Variants in JPH2 observed in about 807,000 individuals in gnomAD.
The protein encoded by JPH2 is junctophilin 2.
A neutral mutation model predicts 55.9 loss-of-function variants in JPH2; 38 were observed. The ratio of observed to expected loss-of-function variants is 0.68; its 90% CI spans 0.52 to 0.89. JPH2 has a LOEUF of 0.89. Ranked by LOEUF, JPH2 falls within the 40% of genes least tolerant of loss-of-function variation. The pLI is 0.00. For missense variants in JPH2, 964 were observed against 1,037.6 expected (o/e 0.93, Z 0.97); for synonymous variants, 480 against 472.4 (o/e 1.02, Z -0.21).
chr20:44,129,552 CA>C (rs1208567536), intron 2 of JPH2, among the ~76,000 whole-genome samples: 167 of 45,256 alleles, frequency 3.7e-3, no homozygotes, highest in East Asian at 0.024. Flanking sequence ...CAGGCTGTCT[CA>C]AAAAAAAAAA....
Position 44,160,540 on chromosome 20 carries a change from G to C in JPH2, c.380-133C>G, listed in dbSNP as rs1448385122. The C allele has an allele frequency of 1.1e-6, 1 of 873,284 alleles. No individual in the cohort carries two copies. Among genetic ancestry groups the C allele is most frequent in the Non-Finnish European group, 1.8e-6 (1 of 543,880 alleles). 54.1% of individuals were successfully genotyped at this position (873,284 alleles called of 1,614,324 possible). A position where few individuals can be genotyped will look rare whatever the true frequency, so the allele number is the denominator to read the frequency against. On this transcript the variant is annotated intron_variant, in intron 1 of 5. Coordinates refer to ENST00000372980, the MANE Select transcript of JPH2 (RefSeq NM_020433.5). This position sits in a 1 kb window ranked among gnomAD's most constrained non-coding sequence, Gnocchi z 4.9. ...GAGGCGCAAGGCCGTCTGAGGGTCA[G>C]GGTGCACAGTGCTATGAGTGTTTGA... is the stretch of plus-strand genomic sequence containing the variant.
At chr20:44,126,537 A>G (rs2072278513) in intron 2 of JPH2, among the ~76,000 whole-genome samples, 1 of 152,054 alleles carries the variant, frequency 6.6e-6, no homozygotes, top group Non-Finnish European at 1.5e-5. Flanking sequence ...TCTACCCCAG[A>G]ACAACCATGG....
At chr20:44,175,224 T>C (rs2072724909) in intron 1 of JPH2, among the ~76,000 whole-genome samples, 1 of 152,214 alleles carries the variant, frequency 6.6e-6, no homozygotes, top group Non-Finnish European at 1.5e-5. Context: ...TGACCCCATC[T>C]CTGAGAACAC....
chr20:44,159,698 G>A lies in JPH2; in HGVS notation c.1089C>T (p.Arg363=). 1.9e-6 allele frequency: 3 copies of A among 1,613,136 alleles called. No homozygotes were observed. The highest frequency in any genetic ancestry group is 4.5e-5 in the East Asian group (2 of 44,866). The change falls in exon 2 of 6, where the codon CGC becomes CGT. Residue 363 remains arginine (R), a synonymous_variant. Transcript: ENST00000372980. The surrounding 1 kb of genome is among the most constrained non-coding windows in gnomAD (Gnocchi z 5.7). ...CCTCCACACTGTGCTCCACTTTCTG[G>A]CGGACCTTGTTGCTCTTGAGCTGCA... ...RMLQLKSNKV[R]QKVEHSVEGA... is the part of the protein sequence containing the mutation.
At chr20:44,179,711 TC>T (rs2072764842) in intron 1 of JPH2, among the ~76,000 whole-genome samples, 1 of 152,240 alleles carries the variant, frequency 6.6e-6, no homozygotes, top group Non-Finnish European at 1.5e-5. Context: ...ATGAAGCATG[TC>T]CTAGTCTGTA....
intron 1 of JPH2, among the ~76,000 whole-genome samples, chr20:44,162,220 T>C (rs2072615957): frequency 6.6e-6 from 1 of 152,232 alleles, no homozygotes; most frequent in Non-Finnish European, 1.5e-5. Context: ...AGGAGCAAGA[T>C]GGCTGAGTAG....
At chr20:44,147,440 C>T (rs1406351997) in intron 2 of JPH2, among the ~76,000 whole-genome samples, 1 of 152,214 alleles carries the variant, frequency 6.6e-6, no homozygotes, top group African/African-American at 2.4e-5. Context: ...GATAAATCTA[C>T]ATGCATAACA....
At position 44,108,717 on chromosome 20, in the gene JPH2, T is replaced by C. The variant is rs2072122984; in HGVS notation, c.*4801A>G. Among the ~76,000 whole-genome samples the C allele has an allele frequency of 6.6e-6, 1 of 151,966 alleles. No homozygotes were observed. On this transcript the variant is annotated 3_prime_UTR_variant, in exon 6 of 6. Coordinates refer to ENST00000372980, the MANE Select transcript of JPH2 (RefSeq NM_020433.5). ...GACAGCCTGGAGTGAATGGTGAATG[T>C]TCTGACACATGAGGTGCCCTGGCAT...
At chr20:44,168,019 G>T (rs1463194825) in intron 1 of JPH2, among the ~76,000 whole-genome samples, 1 of 152,180 alleles carries the variant, frequency 6.6e-6, no homozygotes, top group Non-Finnish European at 1.5e-5. Context: ...GTCTTGAGTG[G>T]CAGGGAGTGG....
At chr20:44,134,785 CATAA>C (rs1297445913) in intron 2 of JPH2, among the ~76,000 whole-genome samples, 7 of 90,372 alleles carry the variant, frequency 7.7e-5, no homozygotes, top group South Asian at 3.7e-4. Context: ...TATAAATATA[CATAA>C]ATATACATTT....
intron 2 of JPH2, among the ~76,000 whole-genome samples, chr20:44,154,461 C>T (rs565923468): frequency 6.6e-6 from 1 of 152,340 alleles, no homozygotes; most frequent in Admixed American, 6.5e-5. Context: ...GCCCAGTAGC[C>T]ATGTATGGCA....
intron 2 of JPH2, among the ~76,000 whole-genome samples, chr20:44,126,378 A>G (rs150934550): frequency 6.6e-6 from 1 of 152,280 alleles, no homozygotes; most frequent in South Asian, 2.1e-4. Flanking sequence ...TCCCTGGCTC[A>G]GGCCACTGCC....
chr20:44,138,154 C>G (rs746931053), intron 2 of JPH2, among the ~76,000 whole-genome samples: 5 of 151,320 alleles, frequency 3.3e-5, no homozygotes, highest in Non-Finnish European at 5.9e-5. Context: ...ATTACAGGTG[C>G]CCGCCACCAC....
At position 44,111,597 on chromosome 20, in the gene JPH2, C is replaced by G. The variant is rs2072144290; in HGVS notation, c.*1921G>C. 6.6e-6 allele frequency: 1 copy of G among 152,298 alleles called. No individual in the cohort carries two copies. The highest frequency in any genetic ancestry group is 6.5e-5 in the Admixed American group (1 of 15,294). 9.4% of individuals were successfully genotyped at this position (152,298 alleles called of 1,614,324 possible). A position where few individuals can be genotyped will look rare whatever the true frequency, so the allele number is the denominator to read the frequency against. On this transcript the variant is annotated 3_prime_UTR_variant, in exon 6 of 6. Transcript: ENST00000372980. ...CTCAAGGATCGTGAGAACAAGGACA[C>G]AGATGGGAAGGACCCACGTCCCCCA...
rs2072145426 is a variant in JPH2 at position 44,111,693 on chromosome 20, G to C, written c.*1825C>G. On this transcript the variant is annotated 3_prime_UTR_variant, in exon 6 of 6. Coordinates refer to ENST00000372980, the MANE Select transcript of JPH2 (RefSeq NM_020433.5). ...CCACAAGCACATTGCAGCCCAGCCA[G>C]AGCCCGTGAGCAGATGCGGGTTTAT... is the stretch of plus-strand genomic sequence containing the variant. 6.7e-6 allele frequency: 1 copy of C among 148,740 alleles called. No homozygotes were observed. Among genetic ancestry groups the C allele is most frequent in the South Asian group, 2.3e-4 (1 of 4,324 alleles). 9.2% of individuals were successfully genotyped at this position (148,740 alleles called of 1,614,324 possible). A position where few individuals can be genotyped will look rare whatever the true frequency, so the allele number is the denominator to read the frequency against.
At chr20:44,143,355 T>C (rs1202969831) in intron 2 of JPH2, among the ~76,000 whole-genome samples, 2 of 152,108 alleles carry the variant, frequency 1.3e-5, no homozygotes, top group Non-Finnish European at 2.9e-5. Flanking sequence ...GCAAGCTCCA[T>C]GTAAGGTCAG....
chr20:44,157,194 C>T (rs1455628064), intron 2 of JPH2, among the ~76,000 whole-genome samples: 1 of 152,196 alleles, frequency 6.6e-6, no homozygotes, highest in East Asian at 1.9e-4. Context: ...GGACTTATTT[C>T]TCCCACTCCC....
rs2072152145 is a variant in JPH2, at chr20:44,112,379, A to C, written c.*1139T>G. On this transcript the variant is annotated 3_prime_UTR_variant, in exon 6 of 6. Transcript: ENST00000372980. ...GCCCAGAGACCTAGTGTGGTACAAA[A>C]CATCTTTAAGTGAGGTACATCCAAG... 1.3e-5 allele frequency: 2 copies of C among 152,362 alleles called. No homozygotes were observed. Among genetic ancestry groups the C allele is most frequent in the South Asian group, 4.1e-4 (2 of 4,828 alleles). 9.4% of individuals were successfully genotyped at this position (152,362 alleles called of 1,614,324 possible).
chr20:44,114,759 C>G (rs747470652), intron 5 of JPH2, 23 bp downstream of exon 5: 1 of 1,558,852 alleles, frequency 6.4e-7, no homozygotes, highest in Admixed American at 1.9e-5. Context: ...CCCCCAACCC[C>G]TCCTCCAGCC....
Sources: allele counts gnomAD v4.1 joint callset (sites outside exome capture counted in the v4.1 genomes callset), GRCh38; gene constraint gnomAD v4.1.1; non-coding constraint Gnocchi (gnomAD v3.1); transcripts MANE v1.5; gene names NCBI Gene and HGNC (gene_info 2026-07-23, HGNC 2026-07-21).